The following CDC27 variants were observed in gnomAD, a reference collection of about 807,000 sequenced individuals.
CDC27 encodes the protein cell division cycle 27.
In CDC27, 27 loss-of-function variants were observed where a neutral mutation model predicts 109.7. The ratio of observed to expected loss-of-function variants is 0.25; its 90% CI spans 0.18 to 0.34. The LOEUF (loss-of-function observed/expected upper bound fraction) is 0.34, where lower values mean the gene tolerates loss of function less well. CDC27 is among the 10% of genes least tolerant of loss of function. CDC27 has a pLI of 1.00. For missense variants in CDC27, 579 were observed against 960.2 expected (o/e 0.60, Z 5.25); for synonymous variants, 266 against 333.9 (o/e 0.80, Z 2.22).
intron 14 of CDC27, among the ~76,000 whole-genome samples, chr17:47,132,738 C>T (rs2062384273): frequency 9.2e-6 from 1 of 108,766 alleles, no homozygotes; most frequent in African/African-American, 3.6e-5. Context: ...GCCATTAAAG[C>T]AGTTTATTAT....
chr17:47,159,322 G>A, intron 4 of CDC27: 1 of 674,758 alleles, frequency 1.5e-6, no homozygotes, highest in South Asian at 2.4e-5. Flanking sequence ...TCCGGGGTCA[G>A]GTAGTTGTAG....
At chr17:47,124,083 T>C (rs1296058542) in intron 16 of CDC27, 123 bp from the exon 17 acceptor site, 3 of 606,946 alleles carry the variant, frequency 4.9e-6, no homozygotes, top group Non-Finnish European at 8.5e-6. Context: ...ATCAATATAC[T>C]TCCTTATTGT....
At chr17:47,145,339 G>C (rs1241858433) in intron 9 of CDC27, among the ~76,000 whole-genome samples, 3 of 152,160 alleles carry the variant, frequency 2.0e-5, no homozygotes, top group Admixed American at 2.0e-4. Flanking sequence ...AGAGAGAAGA[G>C]AGCTACAAAG....
intron 2 of CDC27, among the ~76,000 whole-genome samples, chr17:47,173,577 G>A (rs1241035653): frequency 6.6e-6 from 1 of 152,148 alleles, no homozygotes; most frequent in Non-Finnish European, 1.5e-5. Context: ...TTAACTCCCA[G>A]TCACAGTAAT....
In CDC27 at chr17:47,137,201, C is replaced by A; in HGVS notation, c.1864G>T (p.Ala622Ser). The A allele has an allele frequency of 6.2e-7, 1 of 1,610,930 alleles. No individual in the cohort carries two copies. ...VLTEELDKAL[A>S]CFRNAIRVNP... ...ACTCTGATAGCATTTCGAAAACAAG[C>A]TAATGCTTTGTCCAATTCTTCAGTT... The change falls in exon 14 of 19, where the codon GCT becomes TCT. Residue 622 changes from alanine to serine, a missense_variant. Around this residue, in one of 9 missense-constraint regions of CDC27, gnomAD observed 227 missense variants for 363.6 expected, o/e 0.62. Transcript: ENST00000066544.
chr17:47,171,423 A>G (rs757559046), intron 3 of CDC27, among the ~76,000 whole-genome samples: 1 of 152,234 alleles, frequency 6.6e-6, no homozygotes, highest in Non-Finnish European at 1.5e-5. Context: ...CTCTTACAGT[A>G]CAGAAAAGAA....
chr17:47,162,412 C>T (rs879720633), intron 4 of CDC27, among the ~76,000 whole-genome samples: 1 of 152,188 alleles, frequency 6.6e-6, no homozygotes, highest in Non-Finnish European at 1.5e-5. Context: ...CAAGCATTCT[C>T]TCTTGCAAGT....
At chr17:47,137,935 G>A (rs1337593788) in intron 13 of CDC27, among the ~76,000 whole-genome samples, 4 of 151,958 alleles carry the variant, frequency 2.6e-5, no homozygotes, top group African/African-American at 9.7e-5. Flanking sequence ...CGAGCAGCTG[G>A]GACCACAGAT....
chr17:47,145,135 C>T (rs1256144390), intron 9 of CDC27, among the ~76,000 whole-genome samples: 1 of 152,172 alleles, frequency 6.6e-6, no homozygotes, highest in African/African-American at 2.4e-5. Context: ...CAGATAACTA[C>T]AAACTGAACC....
chr17:47,159,767 T>C (rs2063438077), intron 4 of CDC27: 2 of 426,502 alleles, frequency 4.7e-6, no homozygotes, highest in Non-Finnish European at 9.0e-6. Context: ...AACCTTGTGC[T>C]TGAGAGAGGC....
intron 9 of CDC27, 43 bp from the exon 10 acceptor site, chr17:47,144,025 T>A: frequency 2.6e-6 from 2 of 780,238 alleles, no homozygotes; most frequent in Non-Finnish European, 3.7e-6. Context: ...TTTTACTTGA[T>A]TTATGACCAT....
intron 1 of CDC27, 113 bp downstream of exon 1, chr17:47,189,033 G>A (rs2064567307): frequency 6.6e-7 from 1 of 1,512,352 alleles, no homozygotes; most frequent in African/African-American, 1.4e-5. Context: ...CGGCAGCAGG[G>A]GAGGCGGGAG....
intron 7 of CDC27, among the ~76,000 whole-genome samples, chr17:47,155,649 T>C (rs1253793356): frequency 6.6e-6 from 1 of 152,136 alleles, no homozygotes; most frequent in Non-Finnish European, 1.5e-5. Context: ...TTTGATAAAA[T>C]ATTTTATATT....
chr17:47,119,925 C>A lies in CDC27; in HGVS notation c.*1010G>T, dbSNP rs2061947793. 4 of 152,170 alleles carry A rather than the reference C, an allele frequency of 2.6e-5. No homozygotes were observed. Among genetic ancestry groups the A allele is most frequent in the Non-Finnish European group, 1.5e-5 (1 of 68,020 alleles). 9.4% of individuals were successfully genotyped at this position (152,170 alleles called of 1,614,324 possible). ...TGGAAAGGATCTCAACCAAAGGTAA[C>A]CACACATTCTTACACTCTGCTTAAG... On this transcript the variant is annotated 3_prime_UTR_variant, in exon 19 of 19. Coordinates refer to ENST00000066544, the MANE Select transcript of CDC27 (RefSeq NM_001256.6).
In CDC27 at chr17:47,156,992, A is replaced by G. The variant is rs2063327798; in HGVS notation, c.763T>C (p.Ser255Pro). 6.3e-7 allele frequency: 1 copy of G among 1,576,816 alleles called. No individual in the cohort carries two copies. Among genetic ancestry groups the G allele is most frequent in the Non-Finnish European group, 8.7e-7 (1 of 1,150,808 alleles). ...TTTGGTTTATTTTGAACCTGTTTAG[A>G]TAATATGGAAGTTCCTGTTCCCAGT... is the stretch of plus-strand genomic sequence containing the variant. ...VPLGTGTSIL[S>P]KQVQNKPKTG... The change falls in exon 7 of 19, where the codon TCT (serine) becomes CCT (proline). Residue 255 changes from serine (S) to proline (P), a missense_variant. Coordinates refer to ENST00000066544, the MANE Select transcript of CDC27 (RefSeq NM_001256.6).
At chr17:47,124,602 C>T (rs573090983) in intron 16 of CDC27, among the ~76,000 whole-genome samples, 25 of 152,026 alleles carry the variant, frequency 1.6e-4, no homozygotes, top group African/African-American at 3.6e-4. Flanking sequence ...TATTTTTTAA[C>T]GAAAAATAAC....
At chr17:47,157,416 C>T in intron 5 of CDC27, 32 bp from the exon 6 acceptor site, 1 of 1,539,954 alleles carries the variant, frequency 6.5e-7, no homozygotes, top group East Asian at 2.2e-5. Context: ...AAGTTTGTCT[C>T]TGAGGAAGTG....
chr17:47,145,685 G>A (rs779810194), intron 9 of CDC27, among the ~76,000 whole-genome samples: 8 of 152,066 alleles, frequency 5.3e-5, no homozygotes, highest in Non-Finnish European at 1.0e-4. Flanking sequence ...GGCGGATCAC[G>A]AGGTCAAGAG....
chr17:47,121,161 T>C, intron 18 of CDC27, 144 bp from the exon 19 acceptor site: 1 of 613,216 alleles, frequency 1.6e-6, no homozygotes, highest in Non-Finnish European at 2.9e-6. Context: ...TATCCTTTAA[T>C]AAAATGCAAC....
Sources: gnomAD v4.1 joint callset for allele counts (sites outside exome capture counted in the v4.1 genomes callset) on GRCh38, gnomAD v4.1.1 for gene constraint, gnomAD v4.1.1 regional missense constraint, MANE v1.5 for transcripts, NCBI Gene and HGNC (gene_info 2026-07-23, HGNC 2026-07-21) for gene names.